RIPOR3: variants seen among roughly 807,000 people sequenced by gnomAD.
RIPOR3 encodes the protein RIPOR family member 3.
In RIPOR3, 95 loss-of-function variants were observed where a neutral mutation model predicts 114.3. That is an observed-to-expected ratio of 0.83 (90% CI 0.70 to 0.99). RIPOR3 has a LOEUF of 0.99. Among genes scored for constraint, RIPOR3 ranks in the 50% least tolerant of loss-of-function variants. The pLI is 0.00. For synonymous variants in RIPOR3, 575 were observed against 543.8 expected (o/e 1.06, Z -0.80); for missense variants, 1,252 against 1,266.9 (o/e 0.99, Z 0.18).
intron 16 of RIPOR3, 25 bp from the exon 17 acceptor site, chr20:50,594,739 G>GA: frequency 6.3e-7 from 1 of 1,597,688 alleles, no homozygotes; most frequent in Non-Finnish European, 8.6e-7. Context: ...TCAGAAACCT[G>GA]AATGGTGACT....
At chr20:50,632,541 C>T (rs540542300) in intron 1 of RIPOR3, among the ~76,000 whole-genome samples, 21 of 152,308 alleles carry the variant, frequency 1.4e-4, no homozygotes, top group African/African-American at 4.8e-4. Flanking sequence ...GCTGACCACT[C>T]GCTGTGTGGC....
At chr20:50,587,361 G>A (rs759931459) in intron 21 of RIPOR3, 29 bp from the exon 22 acceptor site, 1 of 1,595,096 alleles carries the variant, frequency 6.3e-7, no homozygotes, top group East Asian at 2.2e-5. Context: ...CTGTCAGCGG[G>A]TTGGATCCTG....
At chr20:50,625,535 C>T (rs938591287) in intron 2 of RIPOR3, among the ~76,000 whole-genome samples, 1 of 152,232 alleles carries the variant, frequency 6.6e-6, no homozygotes, top group African/African-American at 2.4e-5. Context: ...TATGAGCCGC[C>T]TCTTTCTCCA....
At position 50,630,760 on chromosome 20, in the gene RIPOR3, T is replaced by C; in HGVS notation, c.100A>G (p.Ser34Gly). 7 of 1,611,986 alleles carry C rather than the reference T, an allele frequency of 4.3e-6. No individual in the cohort carries two copies. Among genetic ancestry groups the C allele is most frequent in the African/African-American group, 1.3e-5 (1 of 74,996 alleles). Residue 34 changes from serine to glycine, a missense_variant, in exon 2 of 22, where the codon AGT becomes GGT. Ser to Gly is a moderately conservative substitution (Grantham distance 56). Transcript: ENST00000327979. ...TACGCGATCCTCCGGCTCTGTGCAC[T>C]GCTGAAGCCTGCGAAGGAGGCGCTC... ...GRSASFAGFS[S>G]AQSRRIAKSI... is the part of the protein sequence containing the mutation.
Position 50,602,079 on chromosome 20 carries a change from C to A in RIPOR3, c.1652G>T (p.Arg551Leu). 6.4e-7 allele frequency: 1 copy of A among 1,559,648 alleles called. No homozygotes were observed. Among genetic ancestry groups the A allele is most frequent in the Non-Finnish European group, 8.7e-7 (1 of 1,153,726 alleles). The change falls in exon 13 of 22, where the codon CGG (arginine) becomes CTG (leucine). Residue 551 changes from arginine (R) to leucine (L), a missense_variant. Transcript: ENST00000327979. The surrounding 1 kb of genome is among the most constrained non-coding windows in gnomAD (Gnocchi z 4.3). The stretch of plus-strand genomic sequence containing the variant: ...GGGGCGGGGTGGCCATACCTTCAGC[C>A]GGTCCCGGAAGCCGAGGACCTGGTA... The part of the protein sequence containing the change: ...LEYQVLGFRD[R>L]LKPCRARQEH...
intron 7 of RIPOR3, 103 bp from the exon 8 acceptor site, chr20:50,609,459 T>C (rs2083864550): frequency 1.3e-6 from 2 of 1,494,130 alleles, no homozygotes; most frequent in East Asian, 5.0e-5. Context: ...GAGAGACGCC[T>C]CCTTGGGGCC....
intron 1 of RIPOR3, chr20:50,653,181 G>T (rs2085678420): frequency 6.6e-6 from 1 of 152,174 alleles, no homozygotes; most frequent in Non-Finnish European, 1.5e-5. Flanking sequence ...CTTGAAAACG[G>T]TATGCTAAGT....
Position 50,609,555 on chromosome 20 carries a change from C to T in RIPOR3, c.576+18G>A. 1.4e-6 allele frequency: 2 copies of T among 1,427,682 alleles called. No homozygotes were observed. Among genetic ancestry groups the T allele is most frequent in the Admixed American group, 2.9e-5 (1 of 34,072 alleles). 88.4% of individuals were successfully genotyped at this position (1,427,682 alleles called of 1,614,324 possible). ...CTCTTGCTGCCCCTGCTGCCCAGCC[C>T]AGCTTGGCCCGGCCCACCTCGGCGC... On this transcript the variant is annotated intron_variant, in intron 7 of 21. Transcript: ENST00000327979.
intron 2 of RIPOR3, among the ~76,000 whole-genome samples, chr20:50,623,215 A>G (rs1436746402): frequency 2.6e-5 from 4 of 150,986 alleles, no homozygotes; most frequent in South Asian, 2.1e-4. Flanking sequence ...AGCCGAGATC[A>G]TGCCACTTCA....
At chr20:50,662,736 C>T (rs919567249) in intron 1 of RIPOR3, among the ~76,000 whole-genome samples, 21 of 152,318 alleles carry the variant, frequency 1.4e-4, no homozygotes, top group Non-Finnish European at 2.1e-4. Flanking sequence ...GCTGGTGACA[C>T]GGGGGAAGTC....
In RIPOR3 at chr20:50,620,015, C is replaced by T; in HGVS notation, c.240G>A (p.Lys80=). Residue 80 remains lysine, a synonymous_variant, in exon 3 of 22, where the codon AAG becomes AAA. Transcript: ENST00000327979. ...CADPKPQQVK[K]IFEALKRGLK... ...GGCCTCTTTTCAATGCTTCGAAGAT[C>T]TTCTTCACCTGCTGGGGCTTCGGGT... is the stretch of plus-strand genomic sequence containing the variant. The T allele has an allele frequency of 6.2e-7, 1 of 1,613,246 alleles. No individual in the cohort carries two copies. Among genetic ancestry groups the T allele is most frequent in the Non-Finnish European group, 8.5e-7 (1 of 1,179,220 alleles).
rs747758161 is a variant in RIPOR3, at chr20:50,598,410, C to T, written c.1660-700G>A. Among the ~76,000 whole-genome samples the T allele has an allele frequency of 6.6e-5, 10 of 151,994 alleles. 1 individual carries two copies. The highest frequency in any genetic ancestry group is 6.6e-4 in the Admixed American group (10 of 15,236). ...GGCTGGTTCCTGCCCCCGTTCCCAG[C>T]ACACCCCACCCAGGCCTTGTGTCCA... On this transcript the variant is annotated intron_variant, in intron 13 of 21. Coordinates refer to ENST00000327979, the MANE Select transcript of RIPOR3 (RefSeq NM_001290268.2).
intron 4 of RIPOR3, among the ~76,000 whole-genome samples, chr20:50,613,609 T>C (rs2084050960): frequency 6.6e-6 from 1 of 152,192 alleles, no homozygotes; most frequent in Non-Finnish European, 1.5e-5. Flanking sequence ...GACATGGGCA[T>C]CTTGCTGTGT....
rs552147601 is a variant in RIPOR3, at chr20:50,601,344, G to T, written c.1659+728C>A. Among the ~76,000 whole-genome samples the T allele has an allele frequency of 5.1e-4, 77 of 152,348 alleles. 2 individuals carry two copies. The East Asian group carries it at 0.015, about 29-fold the overall frequency. On this transcript the variant is annotated intron_variant, in intron 13 of 21. Coordinates refer to ENST00000327979, the MANE Select transcript of RIPOR3 (RefSeq NM_001290268.2). ...AGCTACTCGGGACGCTGAGGCAGGAGAAATGCTTGAACCTGGGAGGAGGAG... is the reference window on the plus strand; with the variant it reads ...AGCTACTCGGGACGCTGAGGCAGGATAAATGCTTGAACCTGGGAGGAGGAG...
At chr20:50,678,031 G>C (rs1405788945) in intron 1 of RIPOR3, among the ~76,000 whole-genome samples, 1 of 152,154 alleles carries the variant, frequency 6.6e-6, no homozygotes, top group East Asian at 1.9e-4. Flanking sequence ...AGTTACAAGG[G>C]TGGAGGTGCT....
intron 13 of RIPOR3, among the ~76,000 whole-genome samples, chr20:50,599,545 G>A (rs931332039): frequency 2.0e-5 from 3 of 152,172 alleles, no homozygotes; most frequent in Non-Finnish European, 4.4e-5. Context: ...AACACCAGCC[G>A]GCACTGAAGC....
intron 1 of RIPOR3, among the ~76,000 whole-genome samples, chr20:50,659,211 G>A (rs981307350): frequency 5.9e-5 from 9 of 152,108 alleles, no homozygotes; most frequent in African/African-American, 2.2e-4. Flanking sequence ...AATGATTCTG[G>A]GTTTTCCACC....
chr20:50,640,704 C>T (rs1328697630), intron 1 of RIPOR3, among the ~76,000 whole-genome samples: 2 of 151,926 alleles, frequency 1.3e-5, no homozygotes, highest in East Asian at 1.9e-4. Flanking sequence ...AAGACTTCCA[C>T]ACCCTGCCGC....
chr20:50,681,273 T>C (rs932323667), intron 1 of RIPOR3, among the ~76,000 whole-genome samples: 4 of 32,028 alleles, frequency 1.2e-4, no homozygotes, highest in Non-Finnish European at 4.8e-4. Flanking sequence ...AATAAGGCAC[T>C]AGAAAAAAAA....
Sources: allele counts gnomAD v4.1 joint callset (sites outside exome capture counted in the v4.1 genomes callset), GRCh38; gene constraint gnomAD v4.1.1; non-coding constraint Gnocchi (gnomAD v3.1); transcripts MANE v1.5; gene names NCBI Gene and HGNC (gene_info 2026-07-23, HGNC 2026-07-21).